Variants in ANKRD44 observed in about 807,000 individuals in gnomAD.
ANKRD44 encodes ankyrin repeat domain 44.
ANKRD44 carries 35 observed loss-of-function variants against 116.0 expected under a neutral mutation model. That is an observed-to-expected ratio of 0.30 (90% CI 0.23 to 0.40). ANKRD44 has a LOEUF of 0.40. ANKRD44 is among the 10% of genes least tolerant of loss of function. The pLI is 1.00. For synonymous variants in ANKRD44, 435 were observed against 461.8 expected (o/e 0.94, Z 0.74); for missense variants, 1,014 against 1,242.6 (o/e 0.82, Z 2.77).
chr2:197,218,080 G>T (rs2081492175), intron 1 of ANKRD44, among the ~76,000 whole-genome samples: 1 of 152,106 alleles, frequency 6.6e-6, no homozygotes. Context: ...AAGAATAATG[G>T]TCAAGATCAG....
intron 10 of ANKRD44, among the ~76,000 whole-genome samples, chr2:197,093,933 C>T (rs2078103642): frequency 6.6e-6 from 1 of 152,122 alleles, no homozygotes; most frequent in Non-Finnish European, 1.5e-5. Context: ...GTTAAATTGC[C>T]ACATTTATTT....
At chr2:197,273,980 AATATATATAT>A (rs1164251927) in intron 1 of ANKRD44, among the ~76,000 whole-genome samples, 142 of 43,636 alleles carry the variant, frequency 3.3e-3, no homozygotes, top group South Asian at 6.1e-3. Flanking sequence ...AAAAAAAAAA[AATATATATAT>A]ATATATATAT....
At chr2:197,097,742 T>C (rs1029195363) in intron 10 of ANKRD44, among the ~76,000 whole-genome samples, 13 of 152,228 alleles carry the variant, frequency 8.5e-5, no homozygotes, top group Non-Finnish European at 1.6e-4. Flanking sequence ...ATGTCTGGAC[T>C]GCTATCAGAG....
chr2:197,211,211 G>A (rs2081317076), intron 1 of ANKRD44, among the ~76,000 whole-genome samples: 1 of 152,160 alleles, frequency 6.6e-6, no homozygotes, highest in South Asian at 2.1e-4. Flanking sequence ...AGCACACGTG[G>A]GCAGGGAAGG....
intron 14 of ANKRD44, 50 bp from the exon 15 acceptor site, chr2:197,081,775 G>A: frequency 6.9e-7 from 1 of 1,457,998 alleles, no homozygotes; most frequent in Non-Finnish European, 9.6e-7. Flanking sequence ...TTTTTTAAAT[G>A]GCAAAGCTGT....
At chr2:197,025,868 TC>T (rs2124838841) in intron 16 of ANKRD44, among the ~76,000 whole-genome samples, 1 of 152,154 alleles carries the variant, frequency 6.6e-6, no homozygotes, top group Non-Finnish European at 1.5e-5. Context: ...ATGATATGCA[TC>T]AAGAGAGGAC....
At chr2:197,095,638 G>A (rs77151849) in intron 10 of ANKRD44, among the ~76,000 whole-genome samples, 6,109 of 152,222 alleles carry the variant, frequency 0.04, 158 homozygotes, top group Middle Eastern at 0.082. Context: ...AGGAGCTGAG[G>A]GTCCAGATCC....
intron 1 of ANKRD44, among the ~76,000 whole-genome samples, chr2:197,262,303 T>C (rs986465420): frequency 3.3e-5 from 5 of 152,202 alleles, no homozygotes; most frequent in Non-Finnish European, 5.9e-5. Context: ...TAAAATTACT[T>C]ATTAATATGA....
intron 4 of ANKRD44, among the ~76,000 whole-genome samples, chr2:197,129,316 A>G (rs2079046702): frequency 6.6e-6 from 1 of 151,874 alleles, no homozygotes; most frequent in African/African-American, 2.4e-5. Flanking sequence ...TTGTATTTTT[A>G]GTAGAGACAA....
At chr2:197,055,252 T>C (rs1226074626) in intron 16 of ANKRD44, among the ~76,000 whole-genome samples, 1 of 152,234 alleles carries the variant, frequency 6.6e-6, no homozygotes, top group East Asian at 1.9e-4. Flanking sequence ...GTGAAGTGCC[T>C]GTTCAAGTTT....
chr2:197,208,786 C>T (rs577919237), intron 1 of ANKRD44, among the ~76,000 whole-genome samples: 5 of 151,536 alleles, frequency 3.3e-5, no homozygotes, highest in Non-Finnish European at 5.9e-5. Context: ...GGCGACAGAG[C>T]GAGACTCTGT....
chr2:196,982,108 T>TTATATATATATA (rs58816698), downstream of ANKRD44, among the ~76,000 whole-genome samples: 34 of 96,516 alleles, frequency 3.5e-4, 3 homozygotes, highest in South Asian at 1.5e-3. Flanking sequence ...CTAAAAAAAA[T>TTATATATATATA]TATATATATA....
chr2:197,001,622 C>G (rs554742588), intron 22 of ANKRD44, 131 bp downstream of exon 22: 7 of 637,704 alleles, frequency 1.1e-5, no homozygotes, highest in Non-Finnish European at 1.8e-5. Flanking sequence ...ATCTACTTGT[C>G]TTTAGCAGCA....
intron 16 of ANKRD44, among the ~76,000 whole-genome samples, chr2:197,027,107 T>A (rs1481279096): frequency 1.3e-5 from 2 of 152,034 alleles, no homozygotes; most frequent in East Asian, 1.9e-4. Flanking sequence ...ATGTCTGTAA[T>A]CCCAGCACTT....
chr2:197,254,249 C>T (rs748935442), intron 1 of ANKRD44, among the ~76,000 whole-genome samples: 6 of 152,030 alleles, frequency 3.9e-5, no homozygotes, highest in Admixed American at 6.5e-5. Context: ...AAAAATTAGC[C>T]GGGCGTGGCG....
At chr2:197,303,824 C>A (rs1356706257) in intron 1 of ANKRD44, among the ~76,000 whole-genome samples, 2 of 152,046 alleles carry the variant, frequency 1.3e-5, no homozygotes, top group African/African-American at 4.8e-5. Flanking sequence ...GTGAAAAGAT[C>A]CTTAAAAATT....
chr2:197,197,809 C>CAAAAAAAAAAAAAAAAAAAAA (rs199994103), intron 1 of ANKRD44, among the ~76,000 whole-genome samples: 1 of 114,168 alleles, frequency 8.8e-6, no homozygotes, highest in African/African-American at 3.9e-5. Context: ...AATCCTGTCT[C>CAAAAAAAAAAAAAAAAAAAAA]AAAAAAAAAA....
chr2:197,167,896 G>A (rs1228212297), intron 2 of ANKRD44, among the ~76,000 whole-genome samples: 2 of 152,190 alleles, frequency 1.3e-5, no homozygotes, highest in African/African-American at 4.8e-5. Context: ...AGCATGTTGA[G>A]CAGAGCCATC....
intron 1 of ANKRD44, among the ~76,000 whole-genome samples, chr2:197,230,114 G>T (rs2081823183): frequency 6.6e-6 from 1 of 152,012 alleles, no homozygotes; most frequent in Non-Finnish European, 1.5e-5. Context: ...CTTTTTTCAG[G>T]GATGCACTGT....
Sources: allele counts gnomAD v4.1 joint callset (sites outside exome capture counted in the v4.1 genomes callset), GRCh38; gene constraint gnomAD v4.1.1; transcripts MANE v1.5; gene names NCBI Gene and HGNC (gene_info 2026-07-23, HGNC 2026-07-21).